The following SUN5 variants were observed in gnomAD, a reference collection of about 807,000 sequenced individuals.
SUN5 encodes the protein Sad1 and UNC84 domain containing 5, also known as SUN domain-containing protein 5.
A neutral mutation model predicts 53.7 loss-of-function variants in SUN5; 44 were observed. The observed-to-expected ratio is 0.82, with a 90% CI of 0.64 to 1.05. The LOEUF (loss-of-function observed/expected upper bound fraction) is 1.05, where lower values mean the gene tolerates loss of function less well. Among genes scored for constraint, SUN5 ranks in the 50% least tolerant of loss-of-function variants. The pLI is 0.00. For missense variants in SUN5, 433 were observed against 483.8 expected, an observed-to-expected ratio of 0.90 and a Z score of 0.98; for synonymous variants, 166 against 179.8, an observed-to-expected ratio of 0.92 and a Z score of 0.62.
At chr20:32,984,749 A>G (rs1989488787) in intron 12 of SUN5, among the ~76,000 whole-genome samples, 1 of 152,188 alleles carries the variant, frequency 6.6e-6, no homozygotes, top group Non-Finnish European at 1.5e-5. Context: ...TCCAGTGATA[A>G]TTATGGGGCC....
chr20:33,001,421 A>G, intron 3 of SUN5, 143 bp from the exon 4 acceptor site: 2 of 887,036 alleles, frequency 2.3e-6, no homozygotes, highest in Admixed American at 2.1e-5. Context: ...GGACAGAACC[A>G]GGCTCTGCTT....
intron 5 of SUN5, chr20:32,999,819 A>G (rs1989953888): frequency 7.9e-7 from 1 of 1,270,054 alleles, no homozygotes; most frequent in Non-Finnish European, 1.1e-6. Flanking sequence ...GAAAGAAGCC[A>G]TGGAAACCCA....
intron 5 of SUN5, among the ~76,000 whole-genome samples, chr20:32,999,365 T>G (rs1439082044): frequency 2.6e-5 from 4 of 152,066 alleles, no homozygotes; most frequent in African/African-American, 9.7e-5. Context: ...GAGGCCAAGG[T>G]GGGTGGATCA....
intron 8 of SUN5, among the ~76,000 whole-genome samples, chr20:32,992,096 G>A (rs1426448210): frequency 1.3e-5 from 2 of 152,158 alleles, no homozygotes; most frequent in Non-Finnish European, 2.9e-5. Flanking sequence ...TCTGCAAAAA[G>A]GCACAATGTG....
intron 9 of SUN5, among the ~76,000 whole-genome samples, chr20:32,988,299 C>T (rs1989604080): frequency 6.6e-6 from 1 of 152,212 alleles, no homozygotes; most frequent in African/African-American, 2.4e-5. Context: ...TGGGCTGACA[C>T]TATCTGACCC....
At chr20:33,003,133 C>T (rs892992433) in intron 1 of SUN5, among the ~76,000 whole-genome samples, 2 of 152,146 alleles carry the variant, frequency 1.3e-5, no homozygotes, top group East Asian at 1.9e-4. Context: ...CAGTCACAGG[C>T]GGTTGTCGCC....
intron 12 of SUN5, among the ~76,000 whole-genome samples, chr20:32,984,677 G>A (rs759082964): frequency 3.3e-5 from 5 of 152,170 alleles, no homozygotes; most frequent in Admixed American, 6.5e-5. Context: ...TCACTCCTCC[G>A]GACCTGCTTC....
chr20:32,987,885 T>C, intron 9 of SUN5, 110 bp from the exon 10 acceptor site: 1 of 748,084 alleles, frequency 1.3e-6, no homozygotes, highest in Admixed American at 2.2e-5. Flanking sequence ...GATGAGTCAC[T>C]GGCCCTGTTC....
At chr20:32,999,060 G>C (rs911470402) in intron 5 of SUN5, among the ~76,000 whole-genome samples, 1 of 151,924 alleles carries the variant, frequency 6.6e-6, no homozygotes, top group Non-Finnish European at 1.5e-5. Context: ...AGTAAAGGTC[G>C]TCCAGATTAT....
At chr20:33,001,641 T>TCCTCCCTCCCTCCCTCCCTCACTC (rs1990041345) in intron 3 of SUN5, among the ~76,000 whole-genome samples, 1 of 67,446 alleles carries the variant, frequency 1.5e-5, no homozygotes, top group Non-Finnish European at 3.1e-5. Context: ...TTCTTTCTTT[T>TCCTCCCTCCCTCCCTCCCTCACTC]CCTCCCTCCC....
chr20:32,989,209 G>T (rs181912313), intron 9 of SUN5, among the ~76,000 whole-genome samples: 1 of 152,354 alleles, frequency 6.6e-6, no homozygotes, highest in East Asian at 1.9e-4. Context: ...ACAGGCGTGA[G>T]CCACCACACC....
intron 6 of SUN5, 148 bp downstream of exon 6, chr20:32,997,490 T>C (rs1989883890): frequency 1.4e-6 from 1 of 738,108 alleles, no homozygotes; most frequent in Middle Eastern, 3.7e-4. Context: ...AGGTGGATGG[T>C]ACGATGAAGG....
intron 1 of SUN5, 32 bp downstream of exon 1, chr20:33,004,232 G>A (rs1268560835): frequency 6.5e-7 from 1 of 1,540,128 alleles, no homozygotes; most frequent in East Asian, 2.5e-5. Context: ...AACTGTAAAG[G>A]GCTGGGCAAA....
intron 11 of SUN5, 87 bp from the exon 12 acceptor site, chr20:32,985,272 T>G: frequency 8.1e-7 from 1 of 1,228,102 alleles, no homozygotes; most frequent in Non-Finnish European, 1.2e-6. Flanking sequence ...ACTTGCACAC[T>G]CCCCAGGATG....
At chr20:32,996,475 G>A (rs542731279) in intron 6 of SUN5, 117 bp from the exon 7 acceptor site, 583 of 857,306 alleles carry the variant, frequency 6.8e-4, no homozygotes, top group Middle Eastern at 2.4e-3. Context: ...CCACTTTCCT[G>A]TTGACTCTTC....
At chr20:32,996,452 C>T (rs1989850123) in intron 6 of SUN5, 94 bp from the exon 7 acceptor site, 3 of 1,140,830 alleles carry the variant, frequency 2.6e-6, no homozygotes, top group South Asian at 2.9e-5. Flanking sequence ...CAATTATAAA[C>T]CCATACATTC....
intron 8 of SUN5, among the ~76,000 whole-genome samples, chr20:32,990,617 G>T (rs760320152): frequency 2.6e-5 from 4 of 152,232 alleles, no homozygotes; most frequent in Admixed American, 1.3e-4. Context: ...CTGCCATGTT[G>T]AGAGGAAGCC....
chr20:32,992,857 A>G (rs564767552), intron 8 of SUN5, among the ~76,000 whole-genome samples: 1 of 152,350 alleles, frequency 6.6e-6, no homozygotes, highest in Non-Finnish European at 1.5e-5. Flanking sequence ...CCATAGTGAG[A>G]TACCACTTCT....
chr20:33,000,769 C>T (rs1989980681), intron 4 of SUN5, among the ~76,000 whole-genome samples: 2 of 150,468 alleles, frequency 1.3e-5, no homozygotes, highest in South Asian at 2.1e-4. Flanking sequence ...TGCTTGAATT[C>T]GAAAAGTAGA....
Sources: gnomAD v4.1 joint callset for allele counts (sites outside exome capture counted in the v4.1 genomes callset) on GRCh38, gnomAD v4.1.1 for gene constraint, MANE v1.5 for transcripts, NCBI Gene and HGNC (gene_info 2026-07-23, HGNC 2026-07-21) for gene names.